TUBB4A: variants seen among roughly 807,000 people sequenced by gnomAD.
The protein encoded by TUBB4A is tubulin beta-4A chain.
In TUBB4A, 13 loss-of-function variants were observed where a neutral mutation model predicts 35.1. That is an observed-to-expected ratio of 0.37 (90% CI 0.24 to 0.59). The LOEUF (loss-of-function observed/expected upper bound fraction) is 0.59, where lower values mean the gene tolerates loss of function less well. TUBB4A is among the 20% of genes least tolerant of loss of function. The pLI, the probability that TUBB4A is intolerant of heterozygous loss-of-function variation, is 0.71. For missense variants in TUBB4A, 299 were observed against 647.2 expected, an observed-to-expected ratio of 0.46 and a Z score of 5.84; for synonymous variants, 279 against 272.4, an observed-to-expected ratio of 1.02 and a Z score of -0.24.
In TUBB4A at chr19:6,496,226, A is replaced by G; in HGVS notation, c.278-5T>C. 6.2e-7 allele frequency: 1 copy of G among 1,603,492 alleles called. No homozygotes were observed. Among genetic ancestry groups the G allele is most frequent in the South Asian group, 1.1e-5 (1 of 90,040 alleles). ...TGTTGCCGGCTCCGGATTGGCCTAG[A>G]GAGGGAAGGGGAGGGGACACACATG... On this transcript the variant is annotated splice_region_variant and splice_polypyrimidine_tract_variant and intron_variant, in intron 3 of 3. Coordinates refer to ENST00000264071, the MANE Select transcript of TUBB4A (RefSeq NM_006087.4).
intron 3 of TUBB4A, among the ~76,000 whole-genome samples, chr19:6,498,314 C>T (rs944734868): frequency 5.9e-5 from 9 of 152,122 alleles, no homozygotes; most frequent in Non-Finnish European, 8.8e-5. Context: ...AGTTCAGCTC[C>T]AGCATCACCC....
upstream of TUBB4A, chr19:6,502,376 C>G: frequency 2.7e-6 from 2 of 729,088 alleles, no homozygotes; most frequent in South Asian, 4.7e-5. Flanking sequence ...GTCACCCTCC[C>G]GCTCCGCCCC....
chr19:6,495,888 T>C lies in TUBB4A; in HGVS notation c.611A>G (p.Asn204Ser). ...GAAACAGATGTCGTAGAGTGCCTCG[T>C]TGTCGATGCAGTAGGTCTCATCCGT... The part of the protein sequence containing the change: ...ENTDETYCID[N>S]EALYDICFRT... Residue 204 changes from asparagine to serine, a missense_variant, in exon 4 of 4, where the codon AAC becomes AGC. Asn to Ser is a conservative substitution (Grantham distance 46). Around this residue, in one of 5 missense-constraint regions of TUBB4A, gnomAD observed 51 missense variants for 100.3 expected, o/e 0.51. Coordinates refer to ENST00000264071, the MANE Select transcript of TUBB4A (RefSeq NM_006087.4). This position sits in a 1 kb window ranked among gnomAD's most constrained non-coding sequence, Gnocchi z 8.7. The C allele has an allele frequency of 6.2e-7, 1 of 1,614,204 alleles. No homozygotes were observed. The highest frequency in any genetic ancestry group is 8.5e-7 in the Non-Finnish European group (1 of 1,180,034).
chr19:6,498,250 G>A (rs1568411247), intron 3 of TUBB4A, among the ~76,000 whole-genome samples: 1 of 151,166 alleles, frequency 6.6e-6, no homozygotes, highest in Non-Finnish European at 1.5e-5. Flanking sequence ...AATATTGGCC[G>A]GTATTACTGT....
At position 6,501,787 on chromosome 19, in the gene TUBB4A, G is replaced by A. The variant is rs1914545325; in HGVS notation, c.58-164C>T. On this transcript the variant is annotated intron_variant, in intron 1 of 3. Coordinates refer to ENST00000264071, the MANE Select transcript of TUBB4A (RefSeq NM_006087.4). This position sits in a 1 kb window ranked among gnomAD's most constrained non-coding sequence, Gnocchi z 4.2. Reference sequence around the variant, plus strand: ...CGGGGCGAGGATGAGGCAGCAAGAAGGAGCGGTGGGGGCGGGGTGCAGCCG... The same window carrying A: ...CGGGGCGAGGATGAGGCAGCAAGAAAGAGCGGTGGGGGCGGGGTGCAGCCG... 1 of 630,078 alleles carries A rather than the reference G, an allele frequency of 1.6e-6. No homozygotes were observed. The highest frequency in any genetic ancestry group is 2.8e-6 in the Non-Finnish European group (1 of 363,628). The allele number at this position is 630,078 out of a possible 1,614,324, so 39.0% of individuals were successfully genotyped here. A position where few individuals can be genotyped will look rare whatever the true frequency, so the allele number is the denominator to read the frequency against.
In TUBB4A at chr19:6,501,557, G is replaced by A; in HGVS notation, c.124C>T (p.Leu42=). ...PTGTYHGDSD[L]QLERINVYYN... is the part of the protein sequence containing the mutation. ...TACACGTTGATCCTCTCCAGTTGCA[G>A]GTCACTGTCCCCATGGTATGTGCCT... The change falls in exon 2 of 4, where the codon CTG becomes TTG. Residue 42 remains leucine, a synonymous_variant. Coordinates refer to ENST00000264071, the MANE Select transcript of TUBB4A (RefSeq NM_006087.4). This position sits in a 1 kb window ranked among gnomAD's most constrained non-coding sequence, Gnocchi z 4.2. 6.2e-7 allele frequency: 1 copy of A among 1,614,172 alleles called. No homozygotes were observed. The highest frequency in any genetic ancestry group is 8.5e-7 in the Non-Finnish European group (1 of 1,180,012).
intron 3 of TUBB4A, among the ~76,000 whole-genome samples, chr19:6,497,169 ATCACACCATTGCAGCCTGG>A (rs1237305537): frequency 2.0e-5 from 3 of 147,256 alleles, no homozygotes; most frequent in African/African-American, 7.4e-5. Flanking sequence ...GTGAGCTATG[ATCACACCATTGCAGCCTGG>A]GAGACAGAGC....
Position 6,495,053 on chromosome 19 carries a change from C to G in TUBB4A, c.*111G>C, listed in dbSNP as rs446199. The G allele has an allele frequency of 0.75, 986,392 of 1,308,468 alleles. 372,755 individuals carry two copies. The highest frequency in any genetic ancestry group is 0.84 in the Admixed American group (38,396 of 45,744). The allele number at this position is 1,308,468 out of a possible 1,614,324, so 81.1% of individuals were successfully genotyped here. A position where few individuals can be genotyped will look rare whatever the true frequency, so the allele number is the denominator to read the frequency against. ...GCTCCAAAGGTATTGTTAGGGTCAGCGGGGAGTCAGCCTTGGAGGGAAAGC... is the reference window on the plus strand; with the variant it reads ...GCTCCAAAGGTATTGTTAGGGTCAGGGGGGAGTCAGCCTTGGAGGGAAAGC... On this transcript the variant is annotated 3_prime_UTR_variant, in exon 4 of 4. Coordinates refer to ENST00000264071, the MANE Select transcript of TUBB4A (RefSeq NM_006087.4). This position sits in a 1 kb window ranked among gnomAD's most constrained non-coding sequence, Gnocchi z 8.7.
chr19:6,494,912 G>A lies in TUBB4A; in HGVS notation c.*252C>T. 6 of 584,748 alleles carry A rather than the reference G, an allele frequency of 1.0e-5. No individual in the cohort carries two copies. The South Asian group carries it at 1.3e-4, about 12-fold the overall frequency. The allele number at this position is 584,748 out of a possible 1,614,324, so 36.2% of individuals were successfully genotyped here. On this transcript the variant is annotated 3_prime_UTR_variant, in exon 4 of 4. Transcript: ENST00000264071. ...GGTGCGGTTTCCAGAGTCAGAAGGG[G>A]TGAAGCGGGGCTCCTCCTGGGAATG...
chr19:6,496,343 C>A lies in TUBB4A; in HGVS notation c.278-122G>T, dbSNP rs551959657. ...TACTAGTAACTATCAAAAATAATAA[C>A]AAATAGCCGGGTGCGGTGGCTCACA... is the stretch of plus-strand genomic sequence containing the variant. On this transcript the variant is annotated intron_variant, in intron 3 of 3. Transcript: ENST00000264071. 82 of 1,007,476 alleles carry A rather than the reference C, an allele frequency of 8.1e-5. No homozygotes were observed. The South Asian group carries it at 1.2e-3, about 14-fold the overall frequency. 62.4% of individuals were successfully genotyped at this position (1,007,476 alleles called of 1,614,324 possible).
Position 6,495,576 on chromosome 19 carries a change from C to T in TUBB4A, c.923G>A (p.Gly308Asp). 6.2e-7 allele frequency: 1 copy of T among 1,613,990 alleles called. No individual in the cohort carries two copies. Among genetic ancestry groups the T allele is most frequent in the Non-Finnish European group, 8.5e-7 (1 of 1,179,940 alleles). Residue 308 changes from glycine (G) to aspartate (D), a missense_variant, in exon 4 of 4, where the codon GGC becomes GAC. Physicochemically the swap from Gly to Asp is moderately conservative, Grantham distance 94. Coordinates refer to ENST00000264071, the MANE Select transcript of TUBB4A (RefSeq NM_006087.4). The surrounding 1 kb of genome is among the most constrained non-coding windows in gnomAD (Gnocchi z 8.7). Reference protein sequence around the residue: ...NMMAACDPRHGRYLTVAAVFR... With the variant: ...NMMAACDPRHDRYLTVAAVFR... ...CACGGCGGCCACGGTCAGGTAGCGGCCGTGGCGCGGGTCGCACGCCGCCAT... is the reference window on the plus strand; with the variant it reads ...CACGGCGGCCACGGTCAGGTAGCGGTCGTGGCGCGGGTCGCACGCCGCCAT...
intron 3 of TUBB4A, among the ~76,000 whole-genome samples, chr19:6,499,887 G>A (rs187624792): frequency 8.6e-5 from 13 of 151,244 alleles, no homozygotes; most frequent in East Asian, 1.9e-4. Flanking sequence ...AACCTCTGCC[G>A]TTCAAGCAAT....
In TUBB4A at chr19:6,501,531, G is replaced by C; in HGVS notation, c.150C>G (p.Tyr50Ter). 1 of 1,614,042 alleles carries C rather than the reference G, an allele frequency of 6.2e-7. No individual in the cohort carries two copies. Among genetic ancestry groups the C allele is most frequent in the Non-Finnish European group, 8.5e-7 (1 of 1,179,946 alleles). Residue 50 changes from tyrosine (Y) to a stop codon, truncating the protein, a stop_gained, in exon 2 of 4, where the codon TAC becomes TAG. Transcript: ENST00000264071. LOFTEE classifies it high-confidence loss of function. This position sits in a 1 kb window ranked among gnomAD's most constrained non-coding sequence, Gnocchi z 4.2. ...TCGCCCTACCTGTGGCCTCGTTGTA[G>C]TACACGTTGATCCTCTCCAGTTGCA... Reference protein sequence around the residue: ...SDLQLERINVYYNEATGGNYV... With the variant: ...SDLQLERINV
chr19:6,495,906 T>C lies in TUBB4A; in HGVS notation c.593A>G (p.Glu198Gly). 6.2e-7 allele frequency: 1 copy of C among 1,614,230 alleles called. No individual in the cohort carries two copies. The highest frequency in any genetic ancestry group is 8.5e-7 in the Non-Finnish European group (1 of 1,180,038). The change falls in exon 4 of 4, where the codon GAG becomes GGG. Residue 198 changes from glutamate (E) to glycine (G), a missense_variant. By Grantham distance (98) the Glu-to-Gly change is moderately conservative. Transcript: ENST00000264071. The surrounding 1 kb of genome is among the most constrained non-coding windows in gnomAD (Gnocchi z 8.7). ...TGCCTCGTTGTCGATGCAGTAGGTC[T>C]CATCCGTATTCTCCACCAGCTGGTG... The part of the protein sequence containing the change: ...SVHQLVENTD[E>G]TYCIDNEALY...
rs370473879 is a variant in TUBB4A, at chr19:6,495,770, C to T, written c.729G>A (p.Pro243=). Residue 243 remains proline (P), a synonymous_variant, in exon 4 of 4, where the codon CCG becomes CCA. Transcript: ENST00000264071. The surrounding 1 kb of genome is among the most constrained non-coding windows in gnomAD (Gnocchi z 8.7). Reference sequence around the variant, plus strand: ...TGCGCAGGTCGGCGTTCAGCTGGCCCGGGAAGCGCAGGCAGGTGGTGACCC... The same window carrying T: ...TGCGCAGGTCGGCGTTCAGCTGGCCTGGGAAGCGCAGGCAGGTGGTGACCC... ...MSGVTTCLRF[P]GQLNADLRKL... 15 of 1,614,066 alleles carry T rather than the reference C, an allele frequency of 9.3e-6. No homozygotes were observed. The highest frequency in any genetic ancestry group is 2.2e-5 in the South Asian group (2 of 91,092).
At position 6,497,850 on chromosome 19, in the gene TUBB4A, G is replaced by A. The variant is rs541666306; in HGVS notation, c.278-1629C>T. ...CGGGAGGCTGAGCCTGCAGTGAGCC[G>A]AGATCGTGCCACTGCACTCCAGCCT... is the stretch of plus-strand genomic sequence containing the variant. On this transcript the variant is annotated intron_variant, in intron 3 of 3. Transcript: ENST00000264071. 1.5e-3 allele frequency among the ~76,000 whole-genome samples: 208 copies of A among 135,502 alleles called. 1 individual carries two copies. Among genetic ancestry groups the A allele is most frequent in the African/African-American group, 5.6e-3 (200 of 35,762 alleles). 88.9% of individuals were successfully genotyped at this position (135,502 alleles called of 152,430 possible). A position where few individuals can be genotyped will look rare whatever the true frequency, so the allele number is the denominator to read the frequency against.
intron 3 of TUBB4A, among the ~76,000 whole-genome samples, chr19:6,496,936 T>C (rs1914231920): frequency 7.5e-6 from 1 of 132,722 alleles, no homozygotes. Context: ...GGTGGGAGGA[T>C]TGCTTGAGCC....
chr19:6,496,585 T>C (rs1312341577), intron 3 of TUBB4A: 3 of 182,756 alleles, frequency 1.6e-5, no homozygotes, highest in South Asian at 1.2e-4. Flanking sequence ...GAGCCGACAT[T>C]GTGCCACTGC....
Position 6,500,862 on chromosome 19 carries a change from A to G in TUBB4A, c.277+425T>C, listed in dbSNP as rs78496621. 29 of 166,206 alleles carry G rather than the reference A, an allele frequency of 1.7e-4. No individual in the cohort carries two copies. The East Asian group carries it at 4.0e-3, about 23-fold the overall frequency. The allele number at this position is 166,206 out of a possible 1,614,324, so 10.3% of individuals were successfully genotyped here. On this transcript the variant is annotated intron_variant, in intron 3 of 3. Transcript: ENST00000264071. ...TACTTATTTATCTCCTTTGTGGCCTATCACCTTCTACCAGAATGGGAGCTG... is the reference window on the plus strand; with the variant it reads ...TACTTATTTATCTCCTTTGTGGCCTGTCACCTTCTACCAGAATGGGAGCTG...
Sources: allele counts gnomAD v4.1 joint callset (sites outside exome capture counted in the v4.1 genomes callset), GRCh38; gene constraint gnomAD v4.1.1; regional missense constraint gnomAD v4.1.1; non-coding constraint Gnocchi (gnomAD v3.1); transcripts MANE v1.5; gene names NCBI Gene and HGNC (gene_info 2026-07-23, HGNC 2026-07-21).